CENPP: variants seen among roughly 807,000 people sequenced by gnomAD.
The protein encoded by CENPP is centromere protein P.
A neutral mutation model predicts 35.6 loss-of-function variants in CENPP; 24 were observed. That is an observed-to-expected ratio of 0.67 (90% CI 0.49 to 0.95). CENPP has a LOEUF of 0.95. CENPP is among the 40% of genes least tolerant of loss of function. CENPP has a pLI of 0.00. For synonymous variants in CENPP, 120 were observed against 125.5 expected (o/e 0.96, Z 0.29); for missense variants, 332 against 345.3 (o/e 0.96, Z 0.31).
chr9:92,495,600 GTTTAAC>G (rs1392763642), intron 5 of CENPP: 2 of 968,308 alleles, frequency 2.1e-6, no homozygotes, highest in Non-Finnish European at 2.5e-6. Flanking sequence ...TTAATATACT[GTTTAAC>G]TTTAAAAAAT....
At chr9:92,462,036 A>G (rs933784693) in intron 5 of CENPP, among the ~76,000 whole-genome samples, 3 of 151,820 alleles carry the variant, frequency 2.0e-5, no homozygotes, top group African/African-American at 7.3e-5. Flanking sequence ...GGAGTGTAGT[A>G]GCGCAGTCTT....
chr9:92,607,444 A>G (rs1431511418), intron 5 of CENPP, among the ~76,000 whole-genome samples: 2 of 152,204 alleles, frequency 1.3e-5, no homozygotes, highest in Non-Finnish European at 2.9e-5. Context: ...GGCAATAGCT[A>G]AAGGGTACAT....
chr9:92,502,804 CTTTTTTTTT>C (rs34408968), intron 5 of CENPP: 5 of 296,428 alleles, frequency 1.7e-5, no homozygotes, highest in African/African-American at 3.3e-5. Context: ...TTTAAGTTGT[CTTTTTTTTT>C]TTTTTTTTTT....
intron 5 of CENPP, among the ~76,000 whole-genome samples, chr9:92,492,190 C>A (rs758498005): frequency 2.0e-4 from 31 of 152,310 alleles, no homozygotes; most frequent in East Asian, 1.4e-3. Flanking sequence ...CACAAATATG[C>A]TGCCAAAAAT....
chr9:92,522,781 T>C (rs768257235), intron 5 of CENPP: 1 of 1,614,004 alleles, frequency 6.2e-7, no homozygotes, highest in Admixed American at 1.7e-5. Context: ...CTTCCTCCTT[T>C]GCTTCCTAGG....
chr9:92,451,484 G>A (rs1405190047), intron 5 of CENPP, among the ~76,000 whole-genome samples: 1 of 151,322 alleles, frequency 6.6e-6, no homozygotes, highest in Admixed American at 6.6e-5. Flanking sequence ...GTACCATGCT[G>A]TTTTGGTTAC....
chr9:92,604,142 T>TA (rs1851006730), intron 5 of CENPP, among the ~76,000 whole-genome samples: 1 of 152,240 alleles, frequency 6.6e-6, no homozygotes, highest in Non-Finnish European at 1.5e-5. Flanking sequence ...CTGCCAAACT[T>TA]ATCCAATTCC....
intron 2 of CENPP, among the ~76,000 whole-genome samples, chr9:92,335,702 G>A (rs118092701): frequency 0.015 from 2,241 of 152,028 alleles, 28 homozygotes; most frequent in Non-Finnish European, 0.023. Context: ...CTGTATCTGC[G>A]TGAGTCTATT....
At chr9:92,562,988 G>A (rs79246758) in intron 5 of CENPP, among the ~76,000 whole-genome samples, 56 of 152,126 alleles carry the variant, frequency 3.7e-4, no homozygotes, top group African/African-American at 1.3e-3. Context: ...TAGTGTCCAG[G>A]GGGATGAAAA....
At chr9:92,501,205 G>T in intron 5 of CENPP, 1 of 761,616 alleles carries the variant, frequency 1.3e-6, no homozygotes, top group Middle Eastern at 3.0e-4. Context: ...TCCAGGTATA[G>T]CCAGCCCTAG....
At chr9:92,474,633 A>C in intron 5 of CENPP, 1 of 1,610,224 alleles carries the variant, frequency 6.2e-7, no homozygotes, top group South Asian at 1.1e-5. Context: ...CCTAAATCTG[A>C]GCAATGTACA....
chr9:92,611,367 G>A lies in CENPP; in HGVS notation c.618G>A (p.Met206Ile). Residue 206 changes from methionine (M) to isoleucine (I), a missense_variant, in exon 6 of 8, where the codon ATG (methionine) becomes ATA (isoleucine). Physicochemically the swap from Met to Ile is conservative, Grantham distance 10. Transcript: ENST00000375587. ...CGGAGGGGCCCTCCTCCTGCTCCAT[G>A]GGGATCCGCAGCGCCAGCCGGCCAG... ...YLSEGPSSCS[M>I]GIRSASRPGF... 2 of 1,613,446 alleles carry A rather than the reference G, an allele frequency of 1.2e-6. No homozygotes were observed. Among genetic ancestry groups the A allele is most frequent in the Admixed American group, 1.7e-5 (1 of 60,010 alleles).
At chr9:92,554,812 T>A (rs1353979500) in intron 5 of CENPP, among the ~76,000 whole-genome samples, 2 of 151,112 alleles carry the variant, frequency 1.3e-5, no homozygotes, top group South Asian at 4.2e-4. Flanking sequence ...TTATTTTTGG[T>A]TTTTTAGTAG....
chr9:92,569,558 T>C (rs1437736357), intron 5 of CENPP, among the ~76,000 whole-genome samples: 1 of 152,188 alleles, frequency 6.6e-6, no homozygotes, highest in Non-Finnish European at 1.5e-5. Flanking sequence ...GTCTTGGAAA[T>C]GCGGGCTCTT....
At chr9:92,508,460 G>A (rs1272781601) in intron 5 of CENPP, among the ~76,000 whole-genome samples, 1 of 152,224 alleles carries the variant, frequency 6.6e-6, no homozygotes, top group East Asian at 1.9e-4. Context: ...GTGTGTGAAA[G>A]CACGTTCACA....
intron 5 of CENPP, among the ~76,000 whole-genome samples, chr9:92,492,944 G>T (rs773468456): frequency 1.3e-5 from 2 of 152,166 alleles, no homozygotes; most frequent in African/African-American, 4.8e-5. Flanking sequence ...CATTTAAGGC[G>T]GTCAGGGGCC....
intron 5 of CENPP, chr9:92,522,760 C>A: frequency 1.9e-6 from 3 of 1,614,114 alleles, no homozygotes; most frequent in Non-Finnish European, 2.5e-6. Context: ...CCTCAACCTT[C>A]TGTGGTAGAT....
intron 5 of CENPP, among the ~76,000 whole-genome samples, chr9:92,437,319 T>C (rs1343426358): frequency 1.3e-5 from 2 of 152,224 alleles, no homozygotes; most frequent in Non-Finnish European, 2.9e-5. Flanking sequence ...GGGTTCTTTG[T>C]ATATTCTGGA....
chr9:92,599,423 T>G (rs1433269936), intron 5 of CENPP, among the ~76,000 whole-genome samples: 2 of 152,064 alleles, frequency 1.3e-5, no homozygotes, highest in Non-Finnish European at 2.9e-5. Flanking sequence ...GTTTTTGTTT[T>G]TGTTTTTGTT....
Sources: allele counts gnomAD v4.1 joint callset (sites outside exome capture counted in the v4.1 genomes callset), GRCh38; gene constraint gnomAD v4.1.1; transcripts MANE v1.5; gene names NCBI Gene and HGNC (gene_info 2026-07-23, HGNC 2026-07-21).